The following ANKRD45 variants were observed in gnomAD, a reference collection of about 807,000 sequenced individuals.
ANKRD45 encodes the protein ankyrin repeat domain 45, also known as ankyrin repeat domain-containing protein 45.
A neutral mutation model predicts 28.1 loss-of-function variants in ANKRD45; 21 were observed. That is an observed-to-expected ratio of 0.75 (90% CI 0.53 to 1.08). The LOEUF (loss-of-function observed/expected upper bound fraction) is 1.08, where lower values mean the gene tolerates loss of function less well. ANKRD45 is among the 50% of genes least tolerant of loss of function. ANKRD45 has a pLI of 0.00. For synonymous variants in ANKRD45, 86 were observed against 103.9 expected (o/e 0.83, Z 1.05); for missense variants, 261 against 308.7 (o/e 0.85, Z 1.16).
intron 3 of ANKRD45, chr1:173,637,057 A>C: frequency 7.1e-7 from 1 of 1,408,210 alleles, no homozygotes; most frequent in Non-Finnish European, 9.7e-7. Context: ...ATGCAAATGT[A>C]GCTTAGTCAA....
the ANKRD45 span, among the ~76,000 whole-genome samples, chr1:173,709,710 C>A: frequency 1.3e-5 from 2 of 152,026 alleles, no homozygotes; most frequent in Admixed American, 1.3e-4. Context: ...CAGCTCACTG[C>A]AGCTTCAACC....
At chr1:173,675,274 G>A in the ANKRD45 span, 2 of 264,292 alleles carry the variant, frequency 7.6e-6, no homozygotes, top group Non-Finnish European at 1.5e-5. Flanking sequence ...AAAAAAGAAG[G>A]AAAAAAAATT....
chr1:173,623,962 A>C (rs1253102400), intron 5 of ANKRD45, among the ~76,000 whole-genome samples: 1 of 96,886 alleles, frequency 1.0e-5, no homozygotes, highest in Non-Finnish European at 2.0e-5. Context: ...GGGTGGGGGG[A>C]GGGACAGCAT....
At chr1:173,617,102 T>A (rs1020991592) in intron 5 of ANKRD45, among the ~76,000 whole-genome samples, 2 of 152,040 alleles carry the variant, frequency 1.3e-5, no homozygotes, top group Non-Finnish European at 2.9e-5. Context: ...CACCAGAGCC[T>A]TGGGTCTGAT....
chr1:173,616,935 C>T (rs2102314597), intron 5 of ANKRD45, among the ~76,000 whole-genome samples: 1 of 152,216 alleles, frequency 6.6e-6, no homozygotes, highest in African/African-American at 2.4e-5. Flanking sequence ...GCCAAAGGAA[C>T]CCCCACCCCC....
chr1:173,623,833 A>C (rs1571699952), intron 5 of ANKRD45, among the ~76,000 whole-genome samples: 1 of 152,162 alleles, frequency 6.6e-6, no homozygotes, highest in African/African-American at 2.4e-5. Context: ...GCTGGAAGCC[A>C]TTATCCTCAG....
upstream of ANKRD45, among the ~76,000 whole-genome samples, chr1:173,671,190 T>TC (rs1405434379): frequency 2.0e-5 from 3 of 152,248 alleles, no homozygotes; most frequent in South Asian, 4.2e-4. Context: ...TATTTTTTTT[T>TC]CTCCCTCCCC....
At chr1:173,622,058 T>C (rs75584982) in intron 5 of ANKRD45, among the ~76,000 whole-genome samples, 12,038 of 152,026 alleles carry the variant, frequency 0.079, 724 homozygotes, top group East Asian at 0.32. Flanking sequence ...CACTTCACAA[T>C]TGCTACAAAA....
rs1215907193 is a variant in ANKRD45, at chr1:173,659,264, T to C, written c.155A>G (p.Gln52Arg). 6 of 1,613,976 alleles carry C rather than the reference T, an allele frequency of 3.7e-6. No individual in the cohort carries two copies. The highest frequency in any genetic ancestry group is 5.1e-6 in the Non-Finnish European group (6 of 1,180,016). ...PALTGDVEGL[Q>R]KIFEDPENPH... ...ATTCTCAGGATCCTCAAATATCTTC[T>C]GCAAACCCTCTACATCCCCTGTGAG... is the stretch of plus-strand genomic sequence containing the variant. The change falls in exon 2 of 6, where the codon CAG becomes CGG. Residue 52 changes from glutamine (Q) to arginine (R), a missense_variant. Transcript: ENST00000333279.
chr1:173,664,333 A>G (rs991503887), intron 1 of ANKRD45, among the ~76,000 whole-genome samples: 1 of 152,190 alleles, frequency 6.6e-6, no homozygotes, highest in African/African-American at 2.4e-5. Flanking sequence ...AGTAGTTGTA[A>G]TCTTTTGAAA....
chr1:173,700,452 T>C, the ANKRD45 span, among the ~76,000 whole-genome samples: 2 of 152,256 alleles, frequency 1.3e-5, no homozygotes, highest in South Asian at 4.1e-4. Context: ...CAAAACAGCA[T>C]GGGACTGGTA....
intron 2 of ANKRD45, among the ~76,000 whole-genome samples, chr1:173,653,922 CTTTT>C (rs1185149394): frequency 6.0e-5 from 6 of 100,336 alleles, no homozygotes; most frequent in Non-Finnish European, 1.0e-4. Context: ...GCAACCCTTG[CTTTT>C]TTTTTTTTTT....
chr1:173,697,362 G>T, the ANKRD45 span, among the ~76,000 whole-genome samples: 1 of 152,166 alleles, frequency 6.6e-6, no homozygotes, highest in African/African-American at 2.4e-5. Context: ...ACACATAATT[G>T]TCAGATTCAC....
intron 5 of ANKRD45, 140 bp from the exon 6 acceptor site, chr1:173,610,355 T>C (rs1222213676): frequency 5.4e-6 from 4 of 739,238 alleles, no homozygotes; most frequent in Non-Finnish European, 6.8e-6. Context: ...CCTAGTGTTG[T>C]TGGTATGTCA....
At chr1:173,652,908 T>C (rs1485766271) in intron 2 of ANKRD45, among the ~76,000 whole-genome samples, 1 of 152,254 alleles carries the variant, frequency 6.6e-6, no homozygotes, top group Admixed American at 6.5e-5. Flanking sequence ...TATTGACTGA[T>C]GGTAGTTTGT....
At chr1:173,656,538 G>T (rs892839053) in intron 2 of ANKRD45, among the ~76,000 whole-genome samples, 17 of 152,124 alleles carry the variant, frequency 1.1e-4, no homozygotes, top group African/African-American at 3.9e-4. Flanking sequence ...GGAGAAAAAA[G>T]CCCTGATTTG....
intron 3 of ANKRD45, chr1:173,636,964 T>C (rs1378712817): frequency 1.3e-6 from 2 of 1,535,600 alleles, no homozygotes; most frequent in East Asian, 4.9e-5. Flanking sequence ...GGTCTCACCA[T>C]CCTTCCTCTA....
chr1:173,655,064 G>C (rs546234383), intron 2 of ANKRD45, among the ~76,000 whole-genome samples: 1 of 152,148 alleles, frequency 6.6e-6, no homozygotes, highest in African/African-American at 2.4e-5. Context: ...GCTCAGAGAA[G>C]TTTGTTTTTA....
intron 1 of ANKRD45, 134 bp from the exon 2 acceptor site, chr1:173,659,567 G>A (rs1227139845): frequency 3.9e-6 from 3 of 769,852 alleles, no homozygotes; most frequent in Non-Finnish European, 5.7e-6. Context: ...TATAAAGTAA[G>A]ATACTTCAGC....
Sources: gnomAD v4.1 joint callset for allele counts (sites outside exome capture counted in the v4.1 genomes callset) on GRCh38, gnomAD v4.1.1 for gene constraint, MANE v1.5 for transcripts, NCBI Gene and HGNC (gene_info 2026-07-23, HGNC 2026-07-21) for gene names.